UBE2W: variants seen among roughly 807,000 people sequenced by gnomAD.
UBE2W encodes ubiquitin conjugating enzyme E2 W.
In UBE2W, 18 loss-of-function variants were observed where a neutral mutation model predicts 27.2. The observed-to-expected ratio is 0.66, with a 90% CI of 0.46 to 0.98. The LOEUF is 0.98. Among genes scored for constraint, UBE2W ranks in the 50% least tolerant of loss-of-function variants. UBE2W has a pLI of 0.00. For synonymous variants in UBE2W, 53 were observed against 57.2 expected, an observed-to-expected ratio of 0.93 and a Z score of 0.33; for missense variants, 90 against 180.2, an observed-to-expected ratio of 0.50 and a Z score of 2.87.
chr8:73,801,414 A>T (rs1232444260), intron 5 of UBE2W, among the ~76,000 whole-genome samples: 2 of 152,164 alleles, frequency 1.3e-5, no homozygotes, highest in Non-Finnish European at 2.9e-5. Context: ...GTGTACTTTT[A>T]AAAAAACTCA....
At chr8:73,781,929 C>CTTTTTTTTTTTTTTTT (rs71269945), downstream of UBE2W, among the ~76,000 whole-genome samples, 1 of 96,012 alleles carries the variant, frequency 1.0e-5, no homozygotes, top group African/African-American at 3.8e-5. Flanking sequence ...TAAAAGCCTC[C>CTTTTTTTTTTTTTTTT]TTTTTTTTTT....
chr8:73,860,687 G>A (rs1391716560), intron 1 of UBE2W, among the ~76,000 whole-genome samples: 1 of 152,132 alleles, frequency 6.6e-6, no homozygotes, highest in Admixed American at 6.6e-5. Context: ...AACTAAAGTG[G>A]ATTTTGAGTA....
In UBE2W at chr8:73,790,999, T is replaced by C; in HGVS notation, c.*3103A>G. 2.0e-6 allele frequency: 2 copies of C among 982,788 alleles called. No homozygotes were observed. Among genetic ancestry groups the C allele is most frequent in the Non-Finnish European group, 2.4e-6 (2 of 827,568 alleles). 60.9% of individuals were successfully genotyped at this position (982,788 alleles called of 1,614,324 possible). The stretch of plus-strand genomic sequence containing the variant: ...AGTTATTTTATACCAAATATTGATA[T>C]TCCTAGTCAAAACAACAAGGAATTA... On this transcript the variant is annotated 3_prime_UTR_variant, in exon 6 of 6. Transcript: ENST00000602593.
chr8:73,846,000 A>AG (rs1810781628), intron 1 of UBE2W, among the ~76,000 whole-genome samples: 1 of 152,214 alleles, frequency 6.6e-6, no homozygotes, highest in Non-Finnish European at 1.5e-5. Context: ...AATGATCCCA[A>AG]GGGACAGATC....
At chr8:73,844,324 C>T (rs1307478673) in intron 1 of UBE2W, among the ~76,000 whole-genome samples, 2 of 152,180 alleles carry the variant, frequency 1.3e-5, no homozygotes, top group East Asian at 3.9e-4. Flanking sequence ...GTTTTCGTAT[C>T]TTTTGGTGGA....
In UBE2W at chr8:73,790,689, A is replaced by T; in HGVS notation, c.*3413T>A. The stretch of plus-strand genomic sequence containing the variant: ...CTCTTCTCTTCTATTTTTAGGAAGA[A>T]GTTATAACAAGTTTTAAATATCTCA... On this transcript the variant is annotated 3_prime_UTR_variant, in exon 6 of 6. Coordinates refer to ENST00000602593, the MANE Select transcript of UBE2W (RefSeq NM_018299.6). 1.0e-6 allele frequency: 1 copy of T among 980,100 alleles called. No individual in the cohort carries two copies. Among genetic ancestry groups the T allele is most frequent in the Non-Finnish European group, 1.2e-6 (1 of 825,082 alleles). 60.7% of individuals were successfully genotyped at this position (980,100 alleles called of 1,614,324 possible). A position where few individuals can be genotyped will look rare whatever the true frequency, so the allele number is the denominator to read the frequency against.
At chr8:73,859,938 C>T (rs140159051) in intron 1 of UBE2W, among the ~76,000 whole-genome samples, 1 of 152,100 alleles carries the variant, frequency 6.6e-6, no homozygotes, top group African/African-American at 2.4e-5. Flanking sequence ...CTCAGACACA[C>T]CTTAAAAATA....
chr8:73,805,472 C>CAAAACAAAAAAAAA (rs1554579998), intron 5 of UBE2W, among the ~76,000 whole-genome samples, 179 bp downstream of exon 5: 1 of 43,676 alleles, frequency 2.3e-5, no homozygotes, highest in South Asian at 9.2e-4. Context: ...AAAAAAAAAA[C>CAAAACAAAAAAAAA]AAAAAAAACT....
intron 3 of UBE2W, among the ~76,000 whole-genome samples, chr8:73,812,852 A>C (rs1265734132): frequency 1.3e-5 from 2 of 151,894 alleles, no homozygotes; most frequent in African/African-American, 4.8e-5. Flanking sequence ...AAAAATACAA[A>C]AAATTAGCTG....
chr8:73,873,148 A>T (rs1181463785), intron 1 of UBE2W, among the ~76,000 whole-genome samples: 1 of 152,026 alleles, frequency 6.6e-6, no homozygotes, highest in Non-Finnish European at 1.5e-5. Flanking sequence ...ACCTCAGGTG[A>T]TCCACTCACC....
chr8:73,787,397 C>T lies in UBE2W; in HGVS notation c.*6705G>A. The T allele has an allele frequency of 1.0e-6, 1 of 985,334 alleles. No homozygotes were observed. The highest frequency in any genetic ancestry group is 1.2e-6 in the Non-Finnish European group (1 of 829,902). The allele number at this position is 985,334 out of a possible 1,614,324, so 61.0% of individuals were successfully genotyped here. On this transcript the variant is annotated 3_prime_UTR_variant, in exon 6 of 6. Transcript: ENST00000602593. The stretch of plus-strand genomic sequence containing the variant: ...ACTAATGGAGAAAAGTCAAATCCTA[C>T]TATGGAAAGTAGAAATTAAGGATTA...
intron 3 of UBE2W, among the ~76,000 whole-genome samples, chr8:73,824,734 C>G (rs1473084813): frequency 6.6e-6 from 1 of 152,160 alleles, no homozygotes; most frequent in Non-Finnish European, 1.5e-5. Context: ...CAATAAGGCT[C>G]GTACTCCTAT....
chr8:73,820,919 G>A (rs1235415202), intron 3 of UBE2W, among the ~76,000 whole-genome samples: 2 of 152,060 alleles, frequency 1.3e-5, no homozygotes, highest in African/African-American at 4.8e-5. Context: ...CCACAGCATA[G>A]GTAGATGACA....
downstream of UBE2W, among the ~76,000 whole-genome samples, chr8:73,781,750 T>C (rs1414979265): frequency 6.6e-6 from 1 of 151,962 alleles, no homozygotes; most frequent in African/African-American, 2.4e-5. Context: ...TAGCTAATTT[T>C]TATATTTTTG....
At chr8:73,806,967 C>T (rs943579781) in intron 4 of UBE2W, among the ~76,000 whole-genome samples, 13 of 152,182 alleles carry the variant, frequency 8.5e-5, no homozygotes, top group African/African-American at 3.1e-4. Context: ...CGCAAGGGAG[C>T]TACCGCAGAT....
Position 73,794,176 on chromosome 8 carries a change from A to G in UBE2W, c.443-61T>C, listed in dbSNP as rs890964100. The G allele has an allele frequency of 8.3e-6, 13 of 1,568,952 alleles. No homozygotes were observed. In the African/African-American group the frequency reaches 1.8e-4, roughly 21 times the overall value. ...CAAGCATGTATAAGTAAATTCTACAAGTCTGTTTAATGTAGAAATAATTTC... is the reference window on the plus strand; with the variant it reads ...CAAGCATGTATAAGTAAATTCTACAGGTCTGTTTAATGTAGAAATAATTTC... On this transcript the variant is annotated intron_variant, in intron 5 of 5. Transcript: ENST00000602593.
At chr8:73,844,904 C>T (rs146953805) in intron 1 of UBE2W, among the ~76,000 whole-genome samples, 8,645 of 150,584 alleles carry the variant, frequency 0.057, 814 homozygotes, top group African/African-American at 0.2. Context: ...GGAGCCCCTC[C>T]GCCCGGCAGC....
At chr8:73,863,166 G>T (rs1271700753) in intron 1 of UBE2W, among the ~76,000 whole-genome samples, 5,118 of 134,026 alleles carry the variant, frequency 0.038, 422 homozygotes, top group African/African-American at 0.18. Flanking sequence ...TAGCAAAGAC[G>T]TGGAACCAAC....
rs566902946 is a variant in UBE2W, at chr8:73,791,268, A to G, written c.*2834T>C. On this transcript the variant is annotated 3_prime_UTR_variant, in exon 6 of 6. Transcript: ENST00000602593. Reference sequence around the variant, plus strand: ...GGCATTAATCCCTACTTGACCAAAGAAAAAAAAAAAAAAGAAGGGCATCAT... The same window carrying G: ...GGCATTAATCCCTACTTGACCAAAGGAAAAAAAAAAAAAGAAGGGCATCAT... 2.0e-3 allele frequency: 452 copies of G among 222,582 alleles called. No homozygotes were observed. The highest frequency in any genetic ancestry group is 4.1e-3 in the Middle Eastern group (2 of 482). 13.8% of individuals were successfully genotyped at this position (222,582 alleles called of 1,614,324 possible). A position where few individuals can be genotyped will look rare whatever the true frequency, so the allele number is the denominator to read the frequency against.
Sources: gnomAD v4.1 joint callset for allele counts (sites outside exome capture counted in the v4.1 genomes callset) on GRCh38, gnomAD v4.1.1 for gene constraint, MANE v1.5 for transcripts, NCBI Gene and HGNC (gene_info 2026-07-23, HGNC 2026-07-21) for gene names.